The following BRSK2 variants were observed in gnomAD, a reference collection of about 807,000 sequenced individuals.
The protein encoded by BRSK2 is serine/threonine-protein kinase BRSK2.
Under a neutral mutation model 83.3 loss-of-function variants are expected in BRSK2, and 19 were observed. The observed-to-expected ratio is 0.23, with a 90% CI of 0.16 to 0.33. BRSK2 has a LOEUF of 0.33. Ranked by LOEUF, BRSK2 falls within the 10% of genes least tolerant of loss-of-function variation. The probability of loss-of-function intolerance (pLI) is 1.00; values close to 1 mark genes in which losing one functional copy is unlikely to be tolerated. For synonymous variants in BRSK2, 519 were observed against 435.4 expected (o/e 1.19, Z -2.39); for missense variants, 798 against 1,042.3 (o/e 0.77, Z 3.23).
At chr11:1,397,502 C>G (rs910981313) in intron 1 of BRSK2, among the ~76,000 whole-genome samples, 1 of 152,262 alleles carries the variant, frequency 6.6e-6, no homozygotes. Context: ...CTCCAGCTTC[C>G]CAGGCTCGTT....
intron 1 of BRSK2, among the ~76,000 whole-genome samples, chr11:1,399,831 G>T (rs375434603): frequency 6.6e-6 from 1 of 152,154 alleles, no homozygotes; most frequent in South Asian, 2.1e-4. Context: ...GGGGTGTGTC[G>T]TGGCTGAACC....
At chr11:1,444,865 C>A in intron 8 of BRSK2, 106 bp from the exon 9 acceptor site, 1 of 1,051,038 alleles carries the variant, frequency 9.5e-7, no homozygotes, top group Non-Finnish European at 1.5e-6. Flanking sequence ...CTCACCCTCT[C>A]CTGCTCTCTC....
Position 1,410,594 on chromosome 11 carries a change from C to T in BRSK2, c.91+20219C>T, listed in dbSNP as rs533911543. The T allele has an allele frequency of 6.3e-4, 622 of 985,404 alleles. 7 individuals carry two copies. The African/African-American group carries it at 8.7e-3, about 14-fold the overall frequency. The allele number at this position is 985,404 out of a possible 1,614,324, so 61.0% of individuals were successfully genotyped here. ...GCTCTCTGGTCCCCGGGAGTGGACT[C>T]GGGGGCTCCGAGTGCAGGGCTCACA... On this transcript the variant is annotated intron_variant, in intron 1 of 19. Transcript: ENST00000528841.
chr11:1,454,173 T>TGGAGGGCTCACCTGTG lies in BRSK2; in HGVS notation c.1545-310_1545-309insAGGGCTCACCTGTGGG, dbSNP rs1554914659. ...GCCTTGGTGAGGGGGGGCTCACCTGTGGGGGGCTCACCTGTGGAGGGGCAT... is the reference window on the plus strand; with the variant it reads ...GCCTTGGTGAGGGGGGGCTCACCTGTGGAGGGCTCACCTGTGGGGGGGCTCACCTGTGGAGGGGCAT... On this transcript the variant is annotated intron_variant, in intron 15 of 19. Coordinates refer to ENST00000528841, the MANE Select transcript of BRSK2 (RefSeq NM_001256627.2). This position sits in a 1 kb window ranked among gnomAD's most constrained non-coding sequence, Gnocchi z 5.2. The TGGAGGGCTCACCTGTG allele has an allele frequency of 4.0e-6, 1 of 248,134 alleles. No homozygotes were observed. Among genetic ancestry groups the TGGAGGGCTCACCTGTG allele is most frequent in the Non-Finnish European group, 7.9e-6 (1 of 127,358 alleles). The allele number at this position is 248,134 out of a possible 1,614,324, so 15.4% of individuals were successfully genotyped here.
intron 1 of BRSK2, among the ~76,000 whole-genome samples, chr11:1,398,267 C>T (rs1039694241): frequency 2.0e-5 from 3 of 152,192 alleles, no homozygotes; most frequent in Non-Finnish European, 2.9e-5. Context: ...CTCGTGTCCT[C>T]GGCACCCTGA....
At chr11:1,395,427 G>A (rs1485532728) in intron 1 of BRSK2, among the ~76,000 whole-genome samples, 4 of 152,182 alleles carry the variant, frequency 2.6e-5, no homozygotes, top group Admixed American at 6.5e-5. Flanking sequence ...TGCCCCTGGC[G>A]TCTTCCTGCC....
intron 1 of BRSK2, among the ~76,000 whole-genome samples, chr11:1,413,065 C>A (rs969704381): frequency 6.6e-6 from 1 of 152,160 alleles, no homozygotes; most frequent in African/African-American, 2.4e-5. Context: ...TCAGAACCCG[C>A]ATTCCTGGGG....
intron 1 of BRSK2, among the ~76,000 whole-genome samples, chr11:1,435,656 G>T (rs1227567565): frequency 6.6e-6 from 1 of 151,414 alleles, no homozygotes; most frequent in Admixed American, 6.6e-5. Context: ...TGCAGGTGGG[G>T]GTCTCGGCAG....
chr11:1,394,963 T>G (rs1463991945), intron 1 of BRSK2, among the ~76,000 whole-genome samples: 2 of 147,724 alleles, frequency 1.4e-5, no homozygotes, highest in East Asian at 3.9e-4. Flanking sequence ...GATGGGCCCC[T>G]GGAGATGGGC....
At chr11:1,410,543 C>G (rs1439081112) in intron 1 of BRSK2, 1 of 985,342 alleles carries the variant, frequency 1.0e-6, no homozygotes, top group Admixed American at 6.1e-5. Flanking sequence ...CTGCTGAGCA[C>G]GAGACGCCGC....
At chr11:1,396,648 T>C (rs1041731777) in intron 1 of BRSK2, among the ~76,000 whole-genome samples, 1 of 152,242 alleles carries the variant, frequency 6.6e-6, no homozygotes, top group African/African-American at 2.4e-5. Context: ...CTTGAGGGCT[T>C]CTGTGCCTTC....
intron 1 of BRSK2, among the ~76,000 whole-genome samples, chr11:1,399,042 G>A (rs1846301243): frequency 1.3e-5 from 2 of 152,304 alleles, no homozygotes; most frequent in African/African-American, 4.8e-5. Flanking sequence ...GGGGGGCTGC[G>A]GAATGACTCC....
chr11:1,450,920 G>A, intron 14 of BRSK2, 126 bp downstream of exon 14: 1 of 927,502 alleles, frequency 1.1e-6, no homozygotes, highest in Non-Finnish European at 1.6e-6. Context: ...GCCTGGGCCT[G>A]CCCACGTCTC....
intron 15 of BRSK2, among the ~76,000 whole-genome samples, chr11:1,452,541 C>T (rs1845924574): frequency 6.6e-6 from 1 of 152,252 alleles, no homozygotes; most frequent in Non-Finnish European, 1.5e-5. Context: ...TTCTCCCCTC[C>T]CCCATCTTGA....
At chr11:1,447,454 C>T (rs1398552053) in intron 12 of BRSK2, among the ~76,000 whole-genome samples, 2 of 152,222 alleles carry the variant, frequency 1.3e-5, no homozygotes, top group Admixed American at 1.3e-4. Flanking sequence ...ATTCCGGGGC[C>T]TCTGGAAGGC....
intron 1 of BRSK2, among the ~76,000 whole-genome samples, chr11:1,434,394 G>C (rs1394131683): frequency 3.4e-5 from 5 of 148,744 alleles, no homozygotes; most frequent in Admixed American, 6.7e-5. Flanking sequence ...GTGATAATAT[G>C]GGCCGGCTCT....
chr11:1,452,416 C>T (rs1043693238), intron 15 of BRSK2, among the ~76,000 whole-genome samples: 2 of 152,252 alleles, frequency 1.3e-5, no homozygotes, highest in South Asian at 2.1e-4. Context: ...CTGACATTGC[C>T]GTTTCTGCTG....
intron 8 of BRSK2, 102 bp from the exon 9 acceptor site, chr11:1,444,869 C>T: frequency 9.1e-7 from 1 of 1,093,222 alleles, no homozygotes; most frequent in Non-Finnish European, 1.4e-6. Flanking sequence ...CCCTCTCCTG[C>T]TCTCTCCGTG....
chr11:1,446,332 G>A (rs1461417235), intron 12 of BRSK2, among the ~76,000 whole-genome samples: 1 of 150,360 alleles, frequency 6.7e-6, no homozygotes, highest in African/African-American at 2.5e-5. Context: ...AATGGGCTGA[G>A]ACGGATTTGA....
Sources: allele counts gnomAD v4.1 joint callset (sites outside exome capture counted in the v4.1 genomes callset), GRCh38; gene constraint gnomAD v4.1.1; non-coding constraint Gnocchi (gnomAD v3.1); transcripts MANE v1.5; gene names NCBI Gene and HGNC (gene_info 2026-07-23, HGNC 2026-07-21).